ZNF616: variants seen among roughly 807,000 people sequenced by gnomAD.
The protein encoded by ZNF616 is zinc finger protein 616.
ZNF616 carries 5 observed loss-of-function variants against 7.6 expected under a neutral mutation model. The observed-to-expected ratio is 0.66, with a 90% confidence interval of 0.34 to 1.38. The LOEUF is 1.38. Ranked by LOEUF, ZNF616 falls within the 40% of genes most tolerant of loss-of-function variation. The pLI is 0.04. For synonymous variants in ZNF616, 319 were observed against 317.2 expected, an observed-to-expected ratio of 1.01 and a Z score of -0.06; for missense variants, 913 against 948.3, an observed-to-expected ratio of 0.96 and a Z score of 0.49.
In ZNF616 at chr19:52,115,105, T is replaced by C. The variant is rs1215263071; in HGVS notation, c.2059A>G (p.Lys687Glu). 6.2e-7 allele frequency: 1 copy of C among 1,614,200 alleles called. No individual in the cohort carries two copies. Among genetic ancestry groups the C allele is most frequent in the African/African-American group, 1.3e-5 (1 of 75,044 alleles). ...CCACATTCATCACATTTATATGGTT[T>C]CTTTCCTGCATGAATTATCTGATGT... is the stretch of plus-strand genomic sequence containing the variant. ...TAHQIIHAGK[K>E]PYKCDECGKV... The change falls in exon 4 of 4, where the codon AAA becomes GAA. Residue 687 changes from lysine (K) to glutamate (E), a missense_variant. By Grantham distance (56) the Lys-to-Glu change is moderately conservative. Transcript: ENST00000600228.
At position 52,115,237 on chromosome 19, in the gene ZNF616, T is replaced by TGC. The variant is rs774942585; in HGVS notation, c.1926_1927insGC (p.Ser643AlafsTer40). 5.0e-6 allele frequency: 8 copies of TGC among 1,614,086 alleles called. No individual in the cohort carries two copies. Among genetic ancestry groups the TGC allele is most frequent in the Non-Finnish European group, 6.8e-6 (8 of 1,180,038 alleles). On this transcript the variant is annotated frameshift_variant, in exon 4 of 4. Coordinates refer to ENST00000600228, the MANE Select transcript of ZNF616 (RefSeq NM_178523.5). LOFTEE classifies it low-confidence loss of function (END_TRUNC). ...TGAAGTCTAAGATGGACACGCTGAC[T>TGC]AAAGGAATTCCCACACTGATTGCAT...
rs1028671113 is a variant in ZNF616 at position 52,113,995 on chromosome 19, A to C, written c.*823T>G. On this transcript the variant is annotated 3_prime_UTR_variant, in exon 4 of 4. Coordinates refer to ENST00000600228, the MANE Select transcript of ZNF616 (RefSeq NM_178523.5). Reference sequence around the variant, plus strand: ...GTAAAAACCTTAGCATGCACATTACATTTCTGTGGTTCCTCTCAAAGATGT... The same window carrying C: ...GTAAAAACCTTAGCATGCACATTACCTTTCTGTGGTTCCTCTCAAAGATGT... The C allele has an allele frequency of 1.3e-5, 2 of 152,114 alleles. No homozygotes were observed. Among genetic ancestry groups the C allele is most frequent in the Non-Finnish European group, 2.9e-5 (2 of 68,012 alleles). The allele number at this position is 152,114 out of a possible 1,614,324, so 9.4% of individuals were successfully genotyped here.
At chr19:52,133,434 CA>C (rs1452820773) in intron 1 of ZNF616, among the ~76,000 whole-genome samples, 2 of 152,004 alleles carry the variant, frequency 1.3e-5, no homozygotes, top group Admixed American at 6.6e-5. Flanking sequence ...ATTTTAAGTT[CA>C]GGGGTACACG....
In ZNF616 at chr19:52,116,491, C is replaced by T. The variant is rs998769717; in HGVS notation, c.673G>A (p.Ala225Thr). Residue 225 changes from alanine to threonine, a missense_variant, in exon 4 of 4, where the codon GCC becomes ACC. By Grantham distance (58) the Ala-to-Thr change is moderately conservative (BLOSUM62 0). Coordinates refer to ENST00000600228, the MANE Select transcript of ZNF616 (RefSeq NM_178523.5). ...ACCTTGTGTACAGTTAGTAGTGAGG[C>T]CCGATGAAAGGCTTTGCCACACTCA... The part of the protein sequence containing the change: ...CNECGKAFHR[A>T]SLLTVHKVVH... 1.2e-6 allele frequency: 2 copies of T among 1,613,744 alleles called. No homozygotes were observed. The highest frequency in any genetic ancestry group is 1.7e-6 in the Non-Finnish European group (2 of 1,179,922).
At position 52,115,917 on chromosome 19, in the gene ZNF616, T is replaced by C. The variant is rs779782943; in HGVS notation, c.1247A>G (p.Lys416Arg). The part of the protein sequence containing the change: ...EKPCKCNECG[K>R]VFSKRSSLAV... ...AAGACTTGAACGTTTACTGAAGACC[T>C]TGCCACATTCATTGCATTTGCAAGG... The change falls in exon 4 of 4, where the codon AAG becomes AGG. Residue 416 changes from lysine to arginine, a missense_variant. Physicochemically the swap from Lys to Arg is conservative, Grantham distance 26 (BLOSUM62 2). Coordinates refer to ENST00000600228, the MANE Select transcript of ZNF616 (RefSeq NM_178523.5). 16 of 1,614,224 alleles carry C rather than the reference T, an allele frequency of 9.9e-6. No individual in the cohort carries two copies. Among genetic ancestry groups the C allele is most frequent in the Admixed American group, 1.7e-5 (1 of 60,028 alleles).
At chr19:52,125,221 C>A (rs1225297425) in intron 2 of ZNF616, among the ~76,000 whole-genome samples, 1 of 152,168 alleles carries the variant, frequency 6.6e-6, no homozygotes, top group African/African-American at 2.4e-5. Context: ...ATTCAAAAGT[C>A]TATAGTCTAC....
chr19:52,130,421 G>A (rs577809422), intron 2 of ZNF616, 80 bp downstream of exon 2: 15 of 1,301,764 alleles, frequency 1.2e-5, no homozygotes, highest in Non-Finnish European at 1.5e-5. Flanking sequence ...TTGCAACTCC[G>A]ACGCCCTGTA....
chr19:52,114,605 G>C lies in ZNF616; in HGVS notation c.*213C>G. 3 of 537,680 alleles carry C rather than the reference G, an allele frequency of 5.6e-6. No homozygotes were observed. Among genetic ancestry groups the C allele is most frequent in the Non-Finnish European group, 9.5e-6 (3 of 314,758 alleles). The allele number at this position is 537,680 out of a possible 1,614,324, so 33.3% of individuals were successfully genotyped here. A position where few individuals can be genotyped will look rare whatever the true frequency, so the allele number is the denominator to read the frequency against. On this transcript the variant is annotated 3_prime_UTR_variant, in exon 4 of 4. Transcript: ENST00000600228. Reference sequence around the variant, plus strand: ...GCACTTCTAAACAGCCAGACCTCAAGAGAAGTCACTATTGCCAGGACAGCA... The same window carrying C: ...GCACTTCTAAACAGCCAGACCTCAACAGAAGTCACTATTGCCAGGACAGCA...
chr19:52,115,618 T>C lies in ZNF616; in HGVS notation c.1546A>G (p.Thr516Ala). The C allele has an allele frequency of 6.2e-7, 1 of 1,614,010 alleles. No individual in the cohort carries two copies. The highest frequency in any genetic ancestry group is 1.6e-4 in the Middle Eastern group (1 of 6,062). Residue 516 changes from threonine (T) to alanine (A), a missense_variant, in exon 4 of 4, where the codon ACT becomes GCT. By Grantham distance (58) the Thr-to-Ala change is moderately conservative. Transcript: ENST00000600228. ...TTGCATTTGTAAGGTTTCTCTCCAG[T>C]ATGAATTCTCCGATGCACTGCAAGA... Reference protein sequence around the residue: ...SRLAVHRRIHTGEKPYKCKEC... With the variant: ...SRLAVHRRIHAGEKPYKCKEC...
In ZNF616 at chr19:52,115,585, C is replaced by G. The variant is rs1389060661; in HGVS notation, c.1579G>C (p.Gly527Arg). 1 of 1,614,004 alleles carries G rather than the reference C, an allele frequency of 6.2e-7. No individual in the cohort carries two copies. Among genetic ancestry groups the G allele is most frequent in the East Asian group, 2.2e-5 (1 of 44,796 alleles). ...GCTGAACGGTCACTGAAGACCTTGC[C>G]ACATTCTTTGCATTTGTAAGGTTTC... is the stretch of plus-strand genomic sequence containing the variant. ...GEKPYKCKEC[G>R]KVFSDRSAFA... The change falls in exon 4 of 4, where the codon GGC (glycine) becomes CGC (arginine). Residue 527 changes from glycine to arginine, a missense_variant. Physicochemically the swap from Gly to Arg is moderately radical, Grantham distance 125 (BLOSUM62 -2). Coordinates refer to ENST00000600228, the MANE Select transcript of ZNF616 (RefSeq NM_178523.5).
At position 52,116,861 on chromosome 19, in the gene ZNF616, C is replaced by G. The variant is rs1325580420; in HGVS notation, c.303G>C (p.Trp101Cys). The G allele has an allele frequency of 6.2e-7, 1 of 1,613,658 alleles. No homozygotes were observed. The highest frequency in any genetic ancestry group is 8.5e-7 in the Non-Finnish European group (1 of 1,179,906). Residue 101 changes from tryptophan (W) to cysteine (C), a missense_variant, in exon 4 of 4, where the codon TGG becomes TGC. Coordinates refer to ENST00000600228, the MANE Select transcript of ZNF616 (RefSeq NM_178523.5). ...QKHLHDLEFQ[W>C]KDGETNDKEV... ...CTTTATCATTTGTTTCACCATCTTT[C>G]CATTGAAATTCAAGGTCATGTAGAT...
intron 3 of ZNF616, among the ~76,000 whole-genome samples, chr19:52,118,133 C>A (rs987602059): frequency 1.3e-5 from 2 of 152,094 alleles, no homozygotes; most frequent in African/African-American, 4.8e-5. Flanking sequence ...TTGGTAGAGA[C>A]AGAGTTTTCC....
At chr19:52,128,256 C>G (rs1293096188) in intron 2 of ZNF616, among the ~76,000 whole-genome samples, 1 of 151,456 alleles carries the variant, frequency 6.6e-6, no homozygotes, top group Non-Finnish European at 1.5e-5. Context: ...AATGAAAACC[C>G]TTCGTATTTC....
intron 2 of ZNF616, 94 bp downstream of exon 2, chr19:52,130,407 A>G (rs1049697939): frequency 7.0e-6 from 8 of 1,135,240 alleles, no homozygotes; most frequent in Admixed American, 6.7e-5. Flanking sequence ...GACTCAGAGA[A>G]GATTTGCAAC....
Position 52,139,647 on chromosome 19 carries a change from G to A in ZNF616, c.-77+85C>T, listed in dbSNP as rs1290803521. 1 of 152,216 alleles carries A rather than the reference G, an allele frequency of 6.6e-6. No individual in the cohort carries two copies. Among genetic ancestry groups the A allele is most frequent in the Non-Finnish European group, 1.5e-5 (1 of 68,076 alleles). The allele number at this position is 152,216 out of a possible 1,614,324, so 9.4% of individuals were successfully genotyped here. A position where few individuals can be genotyped will look rare whatever the true frequency, so the allele number is the denominator to read the frequency against. On this transcript the variant is annotated intron_variant, in intron 1 of 3. Coordinates refer to ENST00000600228, the MANE Select transcript of ZNF616 (RefSeq NM_178523.5). This position sits in a 1 kb window ranked among gnomAD's most constrained non-coding sequence, Gnocchi z 4.1. The stretch of plus-strand genomic sequence containing the variant: ...ACGACCTGAATGGGGTTATCGACAT[G>A]GTTATCTACATGGCAGAAAGGCAGG...
At chr19:52,126,174 TGAATCTGTAC>T (rs1481312887) in intron 2 of ZNF616, among the ~76,000 whole-genome samples, 1 of 152,128 alleles carries the variant, frequency 6.6e-6, no homozygotes, top group African/African-American at 2.4e-5. Context: ...AGAAACCAAC[TGAATCTGTAC>T]AAACCTACAT....
intron 1 of ZNF616, 47 bp from the exon 2 acceptor site, chr19:52,130,635 CCTTT>C: frequency 7.1e-7 from 1 of 1,416,608 alleles, no homozygotes; most frequent in Non-Finnish European, 9.6e-7. Flanking sequence ...ACAACACATT[CCTTT>C]CTGTGTCACA....
At chr19:52,136,050 A>C (rs1249918775) in intron 1 of ZNF616, among the ~76,000 whole-genome samples, 1 of 148,440 alleles carries the variant, frequency 6.7e-6, no homozygotes. Flanking sequence ...GACTCGCTAG[A>C]ACCCAGGAGG....
In ZNF616 at chr19:52,115,371, A is replaced by C; in HGVS notation, c.1793T>G (p.Val598Gly). The part of the protein sequence containing the change: ...QYSHLVGHRR[V>G]HTGEKPYKCH... ...TTTGTATGGTTTCTCTCCAGTATGA[A>C]CTCTTCGATGCCCTACAAGATGTGA... Residue 598 changes from valine to glycine, a missense_variant, in exon 4 of 4, where the codon GTT (valine) becomes GGT (glycine). Transcript: ENST00000600228. 6.2e-7 allele frequency: 1 copy of C among 1,613,968 alleles called. No homozygotes were observed.
Sources: gnomAD v4.1 joint callset for allele counts (sites outside exome capture counted in the v4.1 genomes callset) on GRCh38, gnomAD v4.1.1 for gene constraint, Gnocchi (gnomAD v3.1) non-coding constraint, MANE v1.5 for transcripts, NCBI Gene and HGNC (gene_info 2026-07-23, HGNC 2026-07-21) for gene names.